Variants in CSDE1 observed in about 807,000 individuals in gnomAD.
CSDE1 encodes the protein cold shock domain containing E1, also known as cold shock domain-containing protein E1.
In CSDE1, 17 loss-of-function variants were observed where a neutral mutation model predicts 89.3. The ratio of observed to expected loss-of-function variants is 0.19; its 90% confidence interval spans 0.13 to 0.29. CSDE1 has a LOEUF of 0.29. Ranked by LOEUF, CSDE1 falls within the 10% of genes least tolerant of loss-of-function variation. The pLI is 1.00. For synonymous variants in CSDE1, 322 were observed against 332.8 expected, an observed-to-expected ratio of 0.97 and a Z score of 0.35; for missense variants, 672 against 984.2, an observed-to-expected ratio of 0.68 and a Z score of 4.24.
chr1:114,738,078 A>T lies in CSDE1; in HGVS notation c.200-6T>A. On this transcript the variant is annotated splice_polypyrimidine_tract_variant and splice_region_variant and intron_variant, in intron 3 of 19. Coordinates refer to ENST00000358528, the MANE Select transcript of CSDE1 (RefSeq NM_001007553.3). ...TACTTCAAATTCAACATCATCTAAA[A>T]ATAAATAATGTGTTATGTTTGTTGA... The T allele has an allele frequency of 3.1e-6, 5 of 1,602,524 alleles. No homozygotes were observed. The highest frequency in any genetic ancestry group is 4.3e-6 in the Non-Finnish European group (5 of 1,169,410).
intron 1 of CSDE1, among the ~76,000 whole-genome samples, chr1:114,752,238 C>CA (rs1169703720): frequency 6.6e-6 from 1 of 152,046 alleles, no homozygotes; most frequent in African/African-American, 2.4e-5. Flanking sequence ...AACCTTGTCT[C>CA]AAAAAACAAA....
intron 6 of CSDE1, among the ~76,000 whole-genome samples, chr1:114,735,695 A>T (rs1459770869): frequency 6.6e-6 from 1 of 152,190 alleles, no homozygotes; most frequent in South Asian, 2.1e-4. Flanking sequence ...TCCACATGCT[A>T]CTGGAAGGTA....
At chr1:114,731,126 TTAC>T (rs1168526123) in intron 10 of CSDE1, among the ~76,000 whole-genome samples, 21 of 151,974 alleles carry the variant, frequency 1.4e-4, no homozygotes, top group African/African-American at 4.8e-4. Context: ...TTTTTCCTTC[TTAC>T]TAAATTATCA....
intron 12 of CSDE1, among the ~76,000 whole-genome samples, chr1:114,730,039 C>G (rs1319933199): frequency 6.6e-6 from 1 of 152,076 alleles, no homozygotes; most frequent in Admixed American, 6.5e-5. Flanking sequence ...GCCAGAAATG[C>G]TGCTAAACAT....
In CSDE1 at chr1:114,719,669, A is replaced by G. The variant is rs1218644420; in HGVS notation, c.2126T>C (p.Ile709Thr). Reference protein sequence around the residue: ...FFHVKEVQDGIELQAGDEVEF... With the variant: ...FFHVKEVQDGTELQAGDEVEF... ...CACCTCATCTCCTGCCTGTAGCTCA[A>G]TGCCATCCTGAACTTCTTTCACATG... Residue 709 changes from isoleucine (I) to threonine (T), a missense_variant, in exon 18 of 20, where the codon ATT (isoleucine) becomes ACT (threonine). Around this residue, in one of 8 missense-constraint regions of CSDE1, gnomAD observed 206 missense variants for 332.4 expected, o/e 0.62. Transcript: ENST00000358528. The G allele has an allele frequency of 6.2e-7, 1 of 1,614,084 alleles. No individual in the cohort carries two copies. Among genetic ancestry groups the G allele is most frequent in the Non-Finnish European group, 8.5e-7 (1 of 1,179,970 alleles).
chr1:114,742,648 G>A (rs887338962), intron 2 of CSDE1, among the ~76,000 whole-genome samples: 2 of 152,182 alleles, frequency 1.3e-5, no homozygotes, highest in African/African-American at 4.8e-5. Flanking sequence ...TCAGATGGAA[G>A]ATAAGGCAAG....
At chr1:114,746,450 C>T (rs1450177959) in intron 2 of CSDE1, 2 of 151,998 alleles carry the variant, frequency 1.3e-5, no homozygotes, top group African/African-American at 2.4e-5. Flanking sequence ...TTTTAAAATG[C>T]CTTCTGTTGG....
chr1:114,730,685 T>C (rs1013798183), intron 10 of CSDE1, 37 bp from the exon 11 acceptor site: 3 of 1,607,674 alleles, frequency 1.9e-6, no homozygotes, highest in Non-Finnish European at 2.5e-6. Context: ...GCTGTGAAAC[T>C]TGTCAAGAAG....
At chr1:114,752,635 G>C (rs1393613499) in intron 1 of CSDE1, among the ~76,000 whole-genome samples, 1 of 152,126 alleles carries the variant, frequency 6.6e-6, no homozygotes, top group African/African-American at 2.4e-5. Flanking sequence ...GGAGATTCCT[G>C]AATTCTAGCC....
intron 10 of CSDE1, among the ~76,000 whole-genome samples, chr1:114,731,391 A>C (rs970444465): frequency 2.8e-5 from 3 of 107,438 alleles, no homozygotes; most frequent in African/African-American, 1.6e-4. Context: ...TTGAAAATGT[A>C]AAAAAAAAAA....
chr1:114,747,682 AC>A (rs1281249122), intron 2 of CSDE1, among the ~76,000 whole-genome samples: 1 of 152,054 alleles, frequency 6.6e-6, no homozygotes, highest in African/African-American at 2.4e-5. Context: ...ACACGGTGAA[AC>A]CCCGTCTCTA....
At chr1:114,721,634 A>T (rs1030494574) in intron 16 of CSDE1, among the ~76,000 whole-genome samples, 1 of 152,190 alleles carries the variant, frequency 6.6e-6, no homozygotes, top group Admixed American at 6.5e-5. Flanking sequence ...TCTGCTACCC[A>T]GGCTGGAGTG....
chr1:114,718,964 T>C, intron 18 of CSDE1: 3 of 550,530 alleles, frequency 5.4e-6, no homozygotes, highest in South Asian at 4.6e-5. Flanking sequence ...GAAGGAATCA[T>C]TTGCAGACCC....
At chr1:114,721,059 C>A (rs567733799) in intron 16 of CSDE1, among the ~76,000 whole-genome samples, 2 of 152,308 alleles carry the variant, frequency 1.3e-5, no homozygotes, top group Admixed American at 6.5e-5. Context: ...CTATCTTCTT[C>A]CCAAGTTCAC....
intron 2 of CSDE1, among the ~76,000 whole-genome samples, chr1:114,743,161 T>C (rs998778281): frequency 6.6e-6 from 1 of 152,196 alleles, no homozygotes; most frequent in African/African-American, 2.4e-5. Context: ...AATTAATTTA[T>C]TTTTGAGACA....
intron 16 of CSDE1, among the ~76,000 whole-genome samples, chr1:114,722,990 A>T (rs1269344125): frequency 6.6e-6 from 1 of 152,248 alleles, no homozygotes; most frequent in African/African-American, 2.4e-5. Flanking sequence ...TTGTAAACCA[A>T]GCCATCATCT....
chr1:114,718,982 G>T, intron 18 of CSDE1: 1 of 500,376 alleles, frequency 2.0e-6, no homozygotes. Flanking sequence ...CCCTAGACTT[G>T]AATGCAATCA....
chr1:114,736,728 G>A (rs1258220732), intron 6 of CSDE1, 30 bp downstream of exon 6: 29 of 1,468,474 alleles, frequency 2.0e-5, no homozygotes, highest in African/African-American at 2.8e-5. Flanking sequence ...AAACCGCTTA[G>A]GTGAGAAAAT....
At chr1:114,737,318 T>G (rs1034446583) in intron 5 of CSDE1, among the ~76,000 whole-genome samples, 153 bp downstream of exon 5, 1 of 152,174 alleles carries the variant, frequency 6.6e-6, no homozygotes, top group African/African-American at 2.4e-5. Flanking sequence ...CTTTTTAAAT[T>G]TTTTGATTAT....
Sources: allele counts gnomAD v4.1 joint callset (sites outside exome capture counted in the v4.1 genomes callset), GRCh38; gene constraint gnomAD v4.1.1; regional missense constraint gnomAD v4.1.1; transcripts MANE v1.5; gene names NCBI Gene and HGNC (gene_info 2026-07-23, HGNC 2026-07-21).